Variants in SPTBN1 observed in about 807,000 individuals in gnomAD.
The protein encoded by SPTBN1 is spectrin beta chain, non-erythrocytic 1.
In SPTBN1, 32 loss-of-function variants were observed where a neutral mutation model predicts 266.4. The observed-to-expected ratio is 0.12, with a 90% CI of 0.09 to 0.16. The LOEUF is 0.16. SPTBN1 is among the 10% of genes least tolerant of loss of function. The pLI, the probability that SPTBN1 is intolerant of heterozygous loss-of-function variation, is 1.00. For synonymous variants in SPTBN1, 1,336 were observed against 1,162.2 expected (o/e 1.15, Z -3.04); for missense variants, 2,296 against 3,067.1 (o/e 0.75, Z 5.94).
intron 1 of SPTBN1, among the ~76,000 whole-genome samples, chr2:54,525,892 C>T (rs904019510): frequency 6.6e-6 from 1 of 152,232 alleles, no homozygotes; most frequent in South Asian, 2.1e-4. Context: ...CCACCACGCC[C>T]AGCTAATTTT....
intron 2 of SPTBN1, among the ~76,000 whole-genome samples, chr2:54,566,822 C>G (rs895167579): frequency 1.3e-5 from 2 of 151,730 alleles, no homozygotes; most frequent in African/African-American, 2.4e-5. Context: ...CAGAGTGAGA[C>G]TCCATCTCAA....
intron 2 of SPTBN1, among the ~76,000 whole-genome samples, chr2:54,565,423 C>G (rs770994772): frequency 2.6e-5 from 4 of 152,206 alleles, no homozygotes; most frequent in Non-Finnish European, 5.9e-5. Context: ...GAACATCTGT[C>G]TCAGCCACCT....
chr2:54,506,425 G>A (rs1212981985), intron 1 of SPTBN1, among the ~76,000 whole-genome samples: 1 of 151,144 alleles, frequency 6.6e-6, no homozygotes, highest in Non-Finnish European at 1.5e-5. Flanking sequence ...AAAAAATATA[G>A]ATGACTCAAT....
At chr2:54,510,436 A>T (rs374031041) in intron 1 of SPTBN1, among the ~76,000 whole-genome samples, 6 of 152,162 alleles carry the variant, frequency 3.9e-5, no homozygotes, top group African/African-American at 1.2e-4. Flanking sequence ...GCACCACTAA[A>T]AATCCAGCTA....
chr2:54,647,063 T>G (rs1310812048), intron 23 of SPTBN1, 68 bp from the exon 24 acceptor site: 1 of 1,608,738 alleles, frequency 6.2e-7, no homozygotes, highest in African/African-American at 1.3e-5. Context: ...GAGCAGCTGG[T>G]CTGTCACTCC....
At chr2:54,563,496 A>G (rs1162148588) in intron 2 of SPTBN1, among the ~76,000 whole-genome samples, 1 of 151,060 alleles carries the variant, frequency 6.6e-6, no homozygotes, top group African/African-American at 2.4e-5. Context: ...TTACGTATTG[A>G]GAGTTGTCTT....
At chr2:54,464,334 G>A (rs1210083206) in intron 1 of SPTBN1, among the ~76,000 whole-genome samples, 1 of 152,214 alleles carries the variant, frequency 6.6e-6, no homozygotes. Flanking sequence ...GGAATTCAAT[G>A]TAGTGCTTAA....
chr2:54,538,475 T>G (rs1476234097), intron 2 of SPTBN1, among the ~76,000 whole-genome samples: 1 of 152,258 alleles, frequency 6.6e-6, no homozygotes, highest in Non-Finnish European at 1.5e-5. Flanking sequence ...ATAGACAATG[T>G]GTATAAAACA....
intron 2 of SPTBN1, among the ~76,000 whole-genome samples, chr2:54,536,722 G>A: frequency 6.6e-6 from 1 of 152,190 alleles, no homozygotes; most frequent in South Asian, 2.1e-4. Context: ...AGATATGTGT[G>A]TGGTGGATAT....
chr2:54,588,581 CAGTT>C (rs907606670), intron 2 of SPTBN1, among the ~76,000 whole-genome samples: 16 of 152,282 alleles, frequency 1.1e-4, no homozygotes, highest in African/African-American at 3.4e-4. Flanking sequence ...TCAGCCACCT[CAGTT>C]AGTTAGAAAT....
chr2:54,568,130 C>T (rs938911019), intron 2 of SPTBN1, among the ~76,000 whole-genome samples: 10 of 152,116 alleles, frequency 6.6e-5, no homozygotes, highest in Non-Finnish European at 1.2e-4. Flanking sequence ...GCCTTAATCC[C>T]AGCACTTTGG....
chr2:54,664,948 G>C lies in SPTBN1; in HGVS notation c.6659+257G>C, dbSNP rs1159444808. 3 of 460,720 alleles carry C rather than the reference G, an allele frequency of 6.5e-6. No individual in the cohort carries two copies. In the Admixed American group the frequency reaches 1.1e-4, roughly 16 times the overall value. 28.5% of individuals were successfully genotyped at this position (460,720 alleles called of 1,614,324 possible). ...AGTAGTTCATCTAGAGAAGGAATTT[G>C]CTAGATTGAGACTGAAGAGTCTTCT... On this transcript the variant is annotated intron_variant, in intron 33 of 35. Coordinates refer to ENST00000356805, the MANE Select transcript of SPTBN1 (RefSeq NM_003128.3). The surrounding 1 kb of genome is among the most constrained non-coding windows in gnomAD (Gnocchi z 5.6).
At position 54,670,535 on chromosome 2, in the gene SPTBN1, T is replaced by G; in HGVS notation, c.*1966T>G. ...TGCTTCCCACGACAGTCCTTTGCCCTTGCCATGCTCAGGGTTGGAATCAAG... is the reference window on the plus strand; with the variant it reads ...TGCTTCCCACGACAGTCCTTTGCCCGTGCCATGCTCAGGGTTGGAATCAAG... On this transcript the variant is annotated 3_prime_UTR_variant, in exon 36 of 36. Transcript: ENST00000356805. 2.5e-6 allele frequency: 1 copy of G among 395,988 alleles called. No individual in the cohort carries two copies. 24.5% of individuals were successfully genotyped at this position (395,988 alleles called of 1,614,324 possible).
chr2:54,500,571 G>T (rs1423682387), intron 1 of SPTBN1, among the ~76,000 whole-genome samples: 1 of 152,028 alleles, frequency 6.6e-6, no homozygotes, highest in Non-Finnish European at 1.5e-5. Flanking sequence ...TTTGAGACAG[G>T]GTCTGGCTCT....
intron 2 of SPTBN1, among the ~76,000 whole-genome samples, chr2:54,550,407 A>C (rs1672498853): frequency 6.6e-6 from 1 of 152,188 alleles, no homozygotes; most frequent in Non-Finnish European, 1.5e-5. Flanking sequence ...TCACATTTTA[A>C]CACACCAGGG....
Position 54,618,059 on chromosome 2 carries a change from C to G in SPTBN1, c.648-19C>G. 1 of 1,584,576 alleles carries G rather than the reference C, an allele frequency of 6.3e-7. No homozygotes were observed. The highest frequency in any genetic ancestry group is 8.6e-7 in the Non-Finnish European group (1 of 1,158,144). Reference sequence around the variant, plus strand: ...TTCAAGCCATGATTTTTGTTGTGTCCCACTGTTGTTCTGCACAGGCCTGAC... The same window carrying G: ...TTCAAGCCATGATTTTTGTTGTGTCGCACTGTTGTTCTGCACAGGCCTGAC... On this transcript the variant is annotated intron_variant, in intron 6 of 35. Coordinates refer to ENST00000356805, the MANE Select transcript of SPTBN1 (RefSeq NM_003128.3).
Position 54,628,013 on chromosome 2 carries a change from G to T in SPTBN1, c.1645-84G>T, listed in dbSNP as rs965344524. On this transcript the variant is annotated intron_variant, in intron 12 of 35. Transcript: ENST00000356805. The surrounding 1 kb of genome is among the most constrained non-coding windows in gnomAD (Gnocchi z 4.3). Reference sequence around the variant, plus strand: ...AGAGGGAAGGCATAGCTTCATTGCTGGCTCTCTGCTTGTCGAAAGATGATG... The same window carrying T: ...AGAGGGAAGGCATAGCTTCATTGCTTGCTCTCTGCTTGTCGAAAGATGATG... 9 of 1,486,756 alleles carry T rather than the reference G, an allele frequency of 6.1e-6. No homozygotes were observed. The highest frequency in any genetic ancestry group is 4.1e-5 in the Admixed American group (2 of 48,644). 92.1% of individuals were successfully genotyped at this position (1,486,756 alleles called of 1,614,324 possible). A position where few individuals can be genotyped will look rare whatever the true frequency, so the allele number is the denominator to read the frequency against.
intron 1 of SPTBN1, among the ~76,000 whole-genome samples, chr2:54,496,037 C>G (rs933858392): frequency 6.6e-6 from 1 of 151,996 alleles, no homozygotes; most frequent in African/African-American, 2.4e-5. Context: ...CTTTGTTACC[C>G]AGTGATAATT....
In SPTBN1 at chr2:54,558,333, A is replaced by G. The variant is rs1673018471; in HGVS notation, c.148+31767A>G. The G allele has an allele frequency of 1.0e-6, 1 of 995,538 alleles. No homozygotes were observed. Among genetic ancestry groups the G allele is most frequent in the Non-Finnish European group, 1.2e-6 (1 of 836,260 alleles). The allele number at this position is 995,538 out of a possible 1,614,324, so 61.7% of individuals were successfully genotyped here. A position where few individuals can be genotyped will look rare whatever the true frequency, so the allele number is the denominator to read the frequency against. ...TAATCAGGTGACATCACCGCCCAGC[A>G]CACGGCGAGTGGCTCCTGATAAAAT... On this transcript the variant is annotated intron_variant, in intron 2 of 35. Coordinates refer to ENST00000356805, the MANE Select transcript of SPTBN1 (RefSeq NM_003128.3). This position sits in a 1 kb window ranked among gnomAD's most constrained non-coding sequence, Gnocchi z 4.6.
Sources: gnomAD v4.1 joint callset for allele counts (sites outside exome capture counted in the v4.1 genomes callset) on GRCh38, gnomAD v4.1.1 for gene constraint, Gnocchi (gnomAD v3.1) non-coding constraint, MANE v1.5 for transcripts, NCBI Gene and HGNC (gene_info 2026-07-23, HGNC 2026-07-21) for gene names.